The following USP9X variants were observed in gnomAD, a reference collection of about 807,000 sequenced individuals.
USP9X encodes the protein ubiquitin specific peptidase 9 X-linked, also known as ubiquitin carboxyl-terminal hydrolase 9X.
A neutral mutation model predicts 190.3 loss-of-function variants in USP9X; 7 were observed. The observed-to-expected ratio is 0.04, with a 90% CI of 0.02 to 0.07. The LOEUF is 0.07. USP9X is among the 10% of genes least tolerant of loss of function. The pLI, the probability that USP9X is intolerant of heterozygous loss-of-function variation, is 1.00. For missense variants in USP9X, 1,010 were observed against 1,916.9 expected, an observed-to-expected ratio of 0.53 and a Z score of 8.83; for synonymous variants, 645 against 659.5, an observed-to-expected ratio of 0.98 and a Z score of 0.34.
chrX:41,227,764 G>A (rs891184054), intron 41 of USP9X, among the ~76,000 whole-genome samples: 1 of 109,712 alleles, frequency 9.1e-6, no homozygotes, highest in Admixed American at 9.7e-5. Flanking sequence ...GCAGTGGCGC[G>A]ATCTCGGCTC....
chrX:41,203,802 A>G (rs1328065522), intron 31 of USP9X, among the ~76,000 whole-genome samples: 2 of 110,919 alleles, frequency 1.8e-5, no homozygotes, highest in Admixed American at 9.6e-5. Context: ...GGTTCAAGCG[A>G]TTCTCCTGCC....
chrX:41,227,850 G>A lies in USP9X; in HGVS notation c.7062-1403G>A, dbSNP rs1197111755. On this transcript the variant is annotated intron_variant, in intron 41 of 44. Transcript: ENST00000378308. ...CGAGTAGCTGGGACTACAGGTGCCC[G>A]CCACCATGCCTGGCTAATTATTTGT... Among the ~76,000 whole-genome samples, 99 of 111,243 alleles carry A rather than the reference G, an allele frequency of 8.9e-4. 5 individuals carry two copies. Among genetic ancestry groups the A allele is most frequent in the Non-Finnish European group, 7.6e-5 (4 of 52,964 alleles).
At chrX:41,230,402 C>G in intron 43 of USP9X, 99 bp from the exon 44 acceptor site, 1 of 702,465 alleles carries the variant, frequency 1.4e-6, no homozygotes, top group Non-Finnish European at 2.1e-6. Context: ...GCTAATGGGT[C>G]AGTTTTGTAG....
At chrX:41,088,508 T>G (rs2061929876) in intron 1 of USP9X, among the ~76,000 whole-genome samples, 1 of 112,255 alleles carries the variant, frequency 8.9e-6, no homozygotes, top group Non-Finnish European at 1.9e-5. Context: ...ATTTCTAACG[T>G]TTTAGTTTCA....
intron 2 of USP9X, 126 bp downstream of exon 2, chrX:41,123,850 C>G (rs1016551295): frequency 3.7e-5 from 23 of 613,412 alleles, no homozygotes; most frequent in Non-Finnish European, 5.2e-5. Flanking sequence ...TGAGACCAGC[C>G]TGGTCAACAG....
intron 11 of USP9X, among the ~76,000 whole-genome samples, chrX:41,147,681 G>C (rs62584106): frequency 0.12 from 13,158 of 110,746 alleles, 777 homozygotes; most frequent in Non-Finnish European, 0.18. Flanking sequence ...TTGAACTCCC[G>C]ACCTCAGGTA....
intron 1 of USP9X, among the ~76,000 whole-genome samples, chrX:41,104,538 C>G (rs148928488): frequency 0.13 from 14,859 of 111,376 alleles, 899 homozygotes; most frequent in East Asian, 0.21. Flanking sequence ...CCAGGAGCAG[C>G]AAATTCTGAT....
chrX:41,171,676 A>C (rs1263670969), intron 20 of USP9X, 162 bp from the exon 21 acceptor site: 1 of 618,887 alleles, frequency 1.6e-6, no homozygotes. Flanking sequence ...CTGCACTATT[A>C]AGGATTTGTA....
chrX:41,184,819 A>G (rs1469281543), intron 23 of USP9X, 144 bp downstream of exon 23: 3 of 502,390 alleles, frequency 6.0e-6, no homozygotes, highest in Admixed American at 4.5e-5. Context: ...TGATGTTTGT[A>G]TTAAAAGTGC....
chrX:41,109,382 A>G (rs910272118), intron 1 of USP9X, among the ~76,000 whole-genome samples: 7 of 112,049 alleles, frequency 6.2e-5, no homozygotes, highest in African/African-American at 2.3e-4. Context: ...GTTTATATGT[A>G]TGTAAAAGCT....
At chrX:41,199,282 A>G (rs2063018955) in intron 30 of USP9X, among the ~76,000 whole-genome samples, 1 of 113,045 alleles carries the variant, frequency 8.8e-6, no homozygotes, top group South Asian at 3.6e-4. Flanking sequence ...GTTAAGTGGC[A>G]TCCTATAAGT....
chrX:41,099,096 G>GTTTTTTTTTT (rs34179321), intron 1 of USP9X, among the ~76,000 whole-genome samples: 1,998 of 44,235 alleles, frequency 0.045, 231 homozygotes, highest in East Asian at 0.062. Context: ...CCAGATAATT[G>GTTTTTTTTTT]TTTTTTTTTT....
intron 14 of USP9X, among the ~76,000 whole-genome samples, chrX:41,155,703 C>T (rs2062572280): frequency 9.9e-6 from 1 of 101,353 alleles, no homozygotes; most frequent in African/African-American, 3.6e-5. Context: ...GGACTCATTC[C>T]TTACATCAAC....
intron 12 of USP9X, among the ~76,000 whole-genome samples, chrX:41,150,151 G>GAA (rs1212468813): frequency 1.0e-5 from 1 of 96,329 alleles, no homozygotes. Flanking sequence ...GGGGTTTCAG[G>GAA]AAAAAAAAAA....
Position 41,196,649 on chromosome X carries a change from C to A in USP9X, c.4144C>A (p.Leu1382Ile). 2 of 1,203,807 alleles carry A rather than the reference C, an allele frequency of 1.7e-6. No individual in the cohort carries two copies. The highest frequency in any genetic ancestry group is 2.2e-6 in the Non-Finnish European group (2 of 889,677). ...CGACTACTTTACTCTTTTAAGACAC[C>A]TTCTTAATTACGCTTACAATAGTAA... ...SGDYFTLLRH[L>I]LNYAYNSNIN... The change falls in exon 28 of 45, where the codon CTT (leucine) becomes ATT (isoleucine). Residue 1382 changes from leucine to isoleucine, a missense_variant. Around this residue, in one of 11 missense-constraint regions of USP9X, gnomAD observed 351 missense variants for 480.8 expected, o/e 0.73. Transcript: ENST00000378308.
intron 4 of USP9X, among the ~76,000 whole-genome samples, chrX:41,131,946 TC>T (rs1458615538): frequency 9.0e-6 from 1 of 111,622 alleles, no homozygotes; most frequent in Non-Finnish European, 1.9e-5. Flanking sequence ...GTCATTTCTG[TC>T]CTCAAAATAT....
In USP9X at chrX:41,196,572, T is replaced by C. The variant is rs988435934; in HGVS notation, c.4087-20T>C. 8.3e-6 allele frequency: 10 copies of C among 1,201,025 alleles called. No homozygotes were observed. The highest frequency in any genetic ancestry group is 1.1e-5 in the Non-Finnish European group (10 of 892,556). On this transcript the variant is annotated intron_variant, in intron 27 of 44. Transcript: ENST00000378308. ...TTGAGGATGGACGTGTAAATTGATA[T>C]TATTCTACTCTGTTTCCAGAGCACA...
At chrX:41,161,635 CTTTTTTT>C (rs759623425) in intron 14 of USP9X, among the ~76,000 whole-genome samples, 4 of 47,423 alleles carry the variant, frequency 8.4e-5, no homozygotes, top group African/African-American at 2.2e-4. Flanking sequence ...GGCGCCCTGC[CTTTTTTT>C]TTTTTTTTTT....
intron 21 of USP9X, 90 bp downstream of exon 21, chrX:41,172,048 G>A (rs190366616): frequency 9.5e-7 from 1 of 1,049,886 alleles, no homozygotes; most frequent in African/African-American, 1.9e-5. Context: ...GTGCTTTTTG[G>A]TATAGACTAT....
Sources: gnomAD v4.1 joint callset for allele counts (sites outside exome capture counted in the v4.1 genomes callset) on GRCh38, gnomAD v4.1.1 for gene constraint, gnomAD v4.1.1 regional missense constraint, MANE v1.5 for transcripts, NCBI Gene and HGNC (gene_info 2026-07-23, HGNC 2026-07-21) for gene names.